The following CLSTN2 variants were observed in gnomAD, a reference collection of about 807,000 sequenced individuals.
The protein encoded by CLSTN2 is calsyntenin 2.
Under a neutral mutation model 101.2 loss-of-function variants are expected in CLSTN2, and 48 were observed. That is an observed-to-expected ratio of 0.47 (90% CI 0.38 to 0.60). CLSTN2 has a LOEUF of 0.60. Among genes scored for constraint, CLSTN2 ranks in the 20% least tolerant of loss-of-function variants. The probability of loss-of-function intolerance (pLI) is 0.00; values close to 1 mark genes in which losing one functional copy is unlikely to be tolerated. For synonymous variants in CLSTN2, 481 were observed against 463.6 expected (o/e 1.04, Z -0.48); for missense variants, 1,160 against 1,238.2 (o/e 0.94, Z 0.95).
At chr3:140,522,508 C>T (rs349571) in intron 8 of CLSTN2, among the ~76,000 whole-genome samples, 37,927 of 152,116 alleles carry the variant, frequency 0.25, 6,372 homozygotes, top group African/African-American at 0.46. Context: ...GGGGCTTTTG[C>T]AGTTCTGTCC....
At chr3:140,247,991 C>T (rs1197882958) in intron 2 of CLSTN2, among the ~76,000 whole-genome samples, 2 of 152,156 alleles carry the variant, frequency 1.3e-5, no homozygotes, top group Non-Finnish European at 2.9e-5. Context: ...GGGTTGAGGT[C>T]ACCTCTCTAA....
Position 139,937,988 on chromosome 3 carries a change from C to A in CLSTN2, c.109+2505C>A, listed in dbSNP as rs914729406. 5.3e-5 allele frequency among the ~76,000 whole-genome samples: 8 copies of A among 151,948 alleles called. No homozygotes were observed. The East Asian group carries it at 1.5e-3, about 29-fold the overall frequency. On this transcript the variant is annotated intron_variant, in intron 1 of 16. Coordinates refer to ENST00000458420, the MANE Select transcript of CLSTN2 (RefSeq NM_022131.3). Reference sequence around the variant, plus strand: ...CTTTAGTTAGTATTTACAGGACTGACTTTCCTTATAACAATGCACTTGCAT... The same window carrying A: ...CTTTAGTTAGTATTTACAGGACTGAATTTCCTTATAACAATGCACTTGCAT...
At chr3:140,181,723 C>T (rs556753394) in intron 2 of CLSTN2, among the ~76,000 whole-genome samples, 2 of 152,262 alleles carry the variant, frequency 1.3e-5, no homozygotes, top group African/African-American at 4.8e-5. Context: ...CACACACACA[C>T]ACACTTATGT....
At chr3:140,487,944 G>A (rs1934271486) in intron 8 of CLSTN2, among the ~76,000 whole-genome samples, 1 of 152,182 alleles carries the variant, frequency 6.6e-6, no homozygotes, top group Non-Finnish European at 1.5e-5. Context: ...AATATGAACT[G>A]GAACTTGAAG....
intron 9 of CLSTN2, among the ~76,000 whole-genome samples, chr3:140,535,893 G>C (rs1935350216): frequency 6.6e-6 from 1 of 152,120 alleles, no homozygotes; most frequent in Non-Finnish European, 1.5e-5. Context: ...ATTATGTCTG[G>C]AAAAAGGCAG....
chr3:140,513,583 C>CTTTT (rs55778787), intron 8 of CLSTN2, among the ~76,000 whole-genome samples: 4,178 of 117,580 alleles, frequency 0.036, 182 homozygotes, highest in African/African-American at 0.13. Context: ...TTTTTTCTTT[C>CTTTT]TTTTTTTTTT....
Position 140,566,408 on chromosome 3 carries a change from C to A in CLSTN2, c.*155C>A. ...GCCCACCCTTTAAGCCTTGGGCACT[C>A]CCTGTGTTTCATCCATGGGGAAGTT... is the stretch of plus-strand genomic sequence containing the variant. On this transcript the variant is annotated 3_prime_UTR_variant, in exon 17 of 17. Coordinates refer to ENST00000458420, the MANE Select transcript of CLSTN2 (RefSeq NM_022131.3). 6 of 704,720 alleles carry A rather than the reference C, an allele frequency of 8.5e-6. No individual in the cohort carries two copies. Among genetic ancestry groups the A allele is most frequent in the Non-Finnish European group, 1.4e-5 (6 of 417,334 alleles). 43.7% of individuals were successfully genotyped at this position (704,720 alleles called of 1,614,324 possible).
At chr3:140,318,806 T>C (rs2087255470) in intron 2 of CLSTN2, among the ~76,000 whole-genome samples, 1 of 152,176 alleles carries the variant, frequency 6.6e-6, no homozygotes, top group Non-Finnish European at 1.5e-5. Flanking sequence ...TTGTGCTAAA[T>C]GTTGAGGAGG....
chr3:140,373,019 G>A (rs541855933), intron 2 of CLSTN2, among the ~76,000 whole-genome samples: 1 of 152,350 alleles, frequency 6.6e-6, no homozygotes, highest in African/African-American at 2.4e-5. Flanking sequence ...GCAGTGAGCT[G>A]TGATTGAGCC....
chr3:140,556,843 ATGT>A, intron 11 of CLSTN2, 182 bp downstream of exon 11: 2 of 600,876 alleles, frequency 3.3e-6, no homozygotes, highest in East Asian at 2.9e-5. Context: ...CCTAAGCAAG[ATGT>A]TCTGTTGTTT....
At chr3:140,521,110 T>C (rs1358916766) in intron 8 of CLSTN2, among the ~76,000 whole-genome samples, 2 of 120,170 alleles carry the variant, frequency 1.7e-5, no homozygotes, top group Non-Finnish European at 3.6e-5. Flanking sequence ...AAGTTCATTA[T>C]TACCCACCTT....
chr3:139,981,809 A>G (rs1480877298), intron 1 of CLSTN2, among the ~76,000 whole-genome samples: 1 of 152,334 alleles, frequency 6.6e-6, no homozygotes, highest in Non-Finnish European at 1.5e-5. Flanking sequence ...GAGAGCCTCT[A>G]TCTCCTTTGG....
intron 8 of CLSTN2, among the ~76,000 whole-genome samples, chr3:140,517,954 T>C (rs570981041): frequency 1.4e-4 from 22 of 152,198 alleles, no homozygotes; most frequent in Admixed American, 5.9e-4. Flanking sequence ...GGTGGCAGGG[T>C]TAGGTGTGTC....
chr3:140,246,681 A>C (rs1289844741), intron 2 of CLSTN2, among the ~76,000 whole-genome samples: 1 of 152,192 alleles, frequency 6.6e-6, no homozygotes, highest in African/African-American at 2.4e-5. Context: ...CAGAAATGGA[A>C]AATGTCAAAC....
At chr3:140,330,491 G>T (rs4423725) in intron 2 of CLSTN2, among the ~76,000 whole-genome samples, 7,220 of 152,222 alleles carry the variant, frequency 0.047, 565 homozygotes, top group African/African-American at 0.16. Flanking sequence ...ACCCCAGTTT[G>T]CCCATAGCAA....
chr3:140,198,239 TC>T (rs2010670663), intron 2 of CLSTN2, among the ~76,000 whole-genome samples: 1 of 152,232 alleles, frequency 6.6e-6, no homozygotes, highest in South Asian at 2.1e-4. Flanking sequence ...GTGTCCACAG[TC>T]CAGCTGCATA....
chr3:140,236,824 A>AGTGTGTGTGTGTGT (rs548988567), intron 2 of CLSTN2, among the ~76,000 whole-genome samples: 3 of 125,846 alleles, frequency 2.4e-5, no homozygotes, highest in Non-Finnish European at 3.3e-5. Context: ...TATGTTATAT[A>AGTGTGTGTGTGTGT]GTGTGTGTGT....
At chr3:140,228,967 C>T (rs1252499725) in intron 2 of CLSTN2, among the ~76,000 whole-genome samples, 2 of 152,198 alleles carry the variant, frequency 1.3e-5, no homozygotes, top group African/African-American at 4.8e-5. Flanking sequence ...AAGTTGACCA[C>T]TTGGTCCTTG....
intron 1 of CLSTN2, among the ~76,000 whole-genome samples, chr3:140,011,233 T>C (rs2007066952): frequency 6.6e-6 from 1 of 152,166 alleles, no homozygotes; most frequent in African/African-American, 2.4e-5. Context: ...GACTGGCATT[T>C]TGTCTACATA....
Sources: gnomAD v4.1 joint callset for allele counts (sites outside exome capture counted in the v4.1 genomes callset) on GRCh38, gnomAD v4.1.1 for gene constraint, MANE v1.5 for transcripts, NCBI Gene and HGNC (gene_info 2026-07-23, HGNC 2026-07-21) for gene names.